Variants in RALGAPB observed in about 807,000 individuals in gnomAD.
RALGAPB encodes Ral GTPase activating protein non-catalytic subunit beta.
In RALGAPB, 25 loss-of-function variants were observed where a neutral mutation model predicts 161.1. The observed-to-expected ratio is 0.16, with a 90% CI of 0.11 to 0.22. RALGAPB has a LOEUF of 0.22. RALGAPB is among the 10% of genes least tolerant of loss of function. The pLI, the probability that RALGAPB is intolerant of heterozygous loss-of-function variation, is 1.00. For missense variants in RALGAPB, 1,391 were observed against 1,815.2 expected, an observed-to-expected ratio of 0.77 and a Z score of 4.25; for synonymous variants, 629 against 626.1, an observed-to-expected ratio of 1.00 and a Z score of -0.07.
At position 38,539,831 on chromosome 20, in the gene RALGAPB, C is replaced by T. The variant is rs755783169; in HGVS notation, c.2435C>T (p.Thr812Ile). Residue 812 changes from threonine (T) to isoleucine (I), a missense_variant, in exon 17 of 30, where the codon ACC becomes ATC. Around this residue, in one of 3 missense-constraint regions of RALGAPB, gnomAD observed 946 missense variants for 1,257.2 expected, o/e 0.75. Transcript: ENST00000262879. ...AAGCGAGCCATCAGTTCTGTGTGCA[C>T]CTACATTGTTTATCAGTGTAGTCGG... ...DRKRAISSVC[T>I]YIVYQCSRPA... The T allele has an allele frequency of 2.5e-6, 4 of 1,614,058 alleles. No individual in the cohort carries two copies. The highest frequency in any genetic ancestry group is 1.1e-5 in the South Asian group (1 of 91,072).
At chr20:38,520,911 GT>G (rs1390537582) in intron 9 of RALGAPB, among the ~76,000 whole-genome samples, 1 of 152,148 alleles carries the variant, frequency 6.6e-6, no homozygotes, top group African/African-American at 2.4e-5. Context: ...GTCTGTGGTT[GT>G]TAAAATTCAT....
At position 38,539,804 on chromosome 20, in the gene RALGAPB, G is replaced by T; in HGVS notation, c.2408G>T (p.Arg803Leu). ...AAAGTGATGGTTGACTCAGGAGACC[G>T]GAAGCGAGCCATCAGTTCTGTGTGC... ...KVKVMVDSGD[R>L]KRAISSVCTY... Residue 803 changes from arginine (R) to leucine (L), a missense_variant, in exon 17 of 30, where the codon CGG (arginine) becomes CTG (leucine). Coordinates refer to ENST00000262879, the MANE Select transcript of RALGAPB (RefSeq NM_020336.4). 6.2e-7 allele frequency: 1 copy of T among 1,613,832 alleles called. No homozygotes were observed. The highest frequency in any genetic ancestry group is 8.5e-7 in the Non-Finnish European group (1 of 1,179,866).
chr20:38,554,165 G>A (rs545056986), intron 22 of RALGAPB, 89 bp downstream of exon 22: 323 of 1,072,958 alleles, frequency 3.0e-4, no homozygotes, highest in African/African-American at 2.8e-3. Context: ...GGATAGAAGC[G>A]AATTAAAAAA....
chr20:38,484,935 TCCAC>T (rs1052426271), intron 1 of RALGAPB, among the ~76,000 whole-genome samples: 4 of 152,154 alleles, frequency 2.6e-5, no homozygotes, highest in African/African-American at 9.7e-5. Context: ...CCTCAGGTGA[TCCAC>T]CCGCCTTGGA....
At chr20:38,566,174 G>T (rs532969045) in intron 25 of RALGAPB, among the ~76,000 whole-genome samples, 2 of 152,162 alleles carry the variant, frequency 1.3e-5, no homozygotes, top group South Asian at 4.1e-4. Context: ...CTTTTGTTGT[G>T]CCCTACCTTG....
chr20:38,529,766 G>A (rs934209175), intron 13 of RALGAPB, among the ~76,000 whole-genome samples: 12 of 152,080 alleles, frequency 7.9e-5, no homozygotes, highest in Admixed American at 2.6e-4. Context: ...GCTTGAACCC[G>A]GGAGGTGGAG....
chr20:38,528,501 G>A (rs2086543127), intron 13 of RALGAPB, among the ~76,000 whole-genome samples: 2 of 151,808 alleles, frequency 1.3e-5, no homozygotes, highest in Non-Finnish European at 2.9e-5. Context: ...CTCTGAAGTA[G>A]CTGGGACCAC....
chr20:38,492,393 G>T (rs1051410014), intron 2 of RALGAPB, among the ~76,000 whole-genome samples: 1 of 152,076 alleles, frequency 6.6e-6, no homozygotes, highest in African/African-American at 2.4e-5. Context: ...TCCTTTTTCA[G>T]ATGTGTTTGT....
chr20:38,557,059 C>G (rs1185010639), intron 22 of RALGAPB, among the ~76,000 whole-genome samples: 4 of 152,196 alleles, frequency 2.6e-5, no homozygotes, highest in Non-Finnish European at 4.4e-5. Context: ...GTGTGAAAGA[C>G]AGTCATTCTT....
intron 9 of RALGAPB, chr20:38,520,397 T>C (rs1224548264): frequency 3.9e-6 from 1 of 259,352 alleles, no homozygotes; most frequent in Non-Finnish European, 6.0e-6. Flanking sequence ...AAAAATACTT[T>C]TCTGTGTTTT....
chr20:38,509,353 T>C, intron 6 of RALGAPB, 145 bp downstream of exon 6: 1 of 914,448 alleles, frequency 1.1e-6, no homozygotes. Flanking sequence ...ACAAGCACAT[T>C]TCTGTCCTGT....
intron 5 of RALGAPB, among the ~76,000 whole-genome samples, chr20:38,501,677 T>A (rs1400936008): frequency 6.6e-6 from 1 of 152,140 alleles, no homozygotes; most frequent in Non-Finnish European, 1.5e-5. Context: ...AGTGCTTGGA[T>A]TACAGGCATG....
intron 14 of RALGAPB, among the ~76,000 whole-genome samples, chr20:38,531,829 C>T (rs559615294): frequency 9.2e-5 from 14 of 152,160 alleles, no homozygotes; most frequent in South Asian, 4.1e-4. Flanking sequence ...ATTATTATTA[C>T]GGAAATTACA....
chr20:38,560,177 G>A (rs573814075), intron 23 of RALGAPB, among the ~76,000 whole-genome samples: 1 of 151,774 alleles, frequency 6.6e-6, no homozygotes, highest in African/African-American at 2.4e-5. Flanking sequence ...TTATAGTGCC[G>A]AACAAAATCT....
At chr20:38,544,766 G>A (rs927853074) in intron 18 of RALGAPB, among the ~76,000 whole-genome samples, 1 of 152,090 alleles carries the variant, frequency 6.6e-6, no homozygotes, top group Non-Finnish European at 1.5e-5. Flanking sequence ...TCTGCACCCA[G>A]CTGAGTACAG....
Position 38,521,718 on chromosome 20 carries a change from T to C in RALGAPB, c.1619+20T>C. The stretch of plus-strand genomic sequence containing the variant: ...ATCCAGGTCTTGGAATTTTTGTTTG[T>C]TTTTTCATTTATATAGTTTTGATAG... On this transcript the variant is annotated intron_variant, in intron 10 of 29. Coordinates refer to ENST00000262879, the MANE Select transcript of RALGAPB (RefSeq NM_020336.4). The C allele has an allele frequency of 6.2e-7, 1 of 1,611,246 alleles. No homozygotes were observed. The highest frequency in any genetic ancestry group is 8.5e-7 in the Non-Finnish European group (1 of 1,178,534).
chr20:38,562,798 A>T, intron 24 of RALGAPB, 101 bp downstream of exon 24: 1 of 1,340,446 alleles, frequency 7.5e-7, no homozygotes. Flanking sequence ...TAAAAATACA[A>T]AACCAGGCTG....
chr20:38,523,147 C>G (rs908618727), intron 10 of RALGAPB, among the ~76,000 whole-genome samples: 1 of 151,618 alleles, frequency 6.6e-6, no homozygotes, highest in Non-Finnish European at 1.5e-5. Flanking sequence ...GAGTGAGACT[C>G]CGTCTCAAAA....
intron 19 of RALGAPB, 187 bp downstream of exon 19, chr20:38,546,617 T>G: frequency 1.5e-6 from 1 of 676,626 alleles, no homozygotes; most frequent in Non-Finnish European, 2.4e-6. Flanking sequence ...TTACATAGAG[T>G]CTTTTAAAGG....
Sources: gnomAD v4.1 joint callset for allele counts (sites outside exome capture counted in the v4.1 genomes callset) on GRCh38, gnomAD v4.1.1 for gene constraint, gnomAD v4.1.1 regional missense constraint, MANE v1.5 for transcripts, NCBI Gene and HGNC (gene_info 2026-07-23, HGNC 2026-07-21) for gene names.